The following NOX4 variants were observed in gnomAD, a reference collection of about 807,000 sequenced individuals.
The protein encoded by NOX4 is kidney oxidase-1.
In NOX4, 69 loss-of-function variants were observed where a neutral mutation model predicts 87.6. The observed-to-expected ratio is 0.79, with a 90% confidence interval of 0.65 to 0.96. The LOEUF is 0.96. Among genes scored for constraint, NOX4 ranks in the 40% least tolerant of loss-of-function variants. The pLI is 0.00. For synonymous variants in NOX4, 275 were observed against 238.2 expected (o/e 1.15, Z -1.42); for missense variants, 680 against 681.5 (o/e 1.00, Z 0.02).
chr11:89,519,374 A>C, the NOX4 span, among the ~76,000 whole-genome samples: 1 of 152,084 alleles, frequency 6.6e-6, no homozygotes, highest in African/African-American at 2.4e-5. Context: ...ATGTAACCAA[A>C]CAACCCTAGG....
chr11:89,426,299 A>G lies in NOX4; in HGVS notation c.549-4317T>C, dbSNP rs1943402815. 2.0e-5 allele frequency among the ~76,000 whole-genome samples: 3 copies of G among 152,322 alleles called. No individual in the cohort carries two copies. In the South Asian group the frequency reaches 6.2e-4, roughly 32 times the overall value. ...CAGTCTACAGCTCTCAGTGTGAGCA[A>G]CGCAGAGAAGGGTGATTTCTGCATT... On this transcript the variant is annotated intron_variant, in intron 7 of 17. Coordinates refer to ENST00000263317, the MANE Select transcript of NOX4 (RefSeq NM_016931.5).
chr11:89,392,896 T>A (rs749909646), intron 11 of NOX4, among the ~76,000 whole-genome samples: 1 of 152,098 alleles, frequency 6.6e-6, no homozygotes, highest in African/African-American at 2.4e-5. Flanking sequence ...TTTAGCAGAA[T>A]CCTCATAACA....
chr11:89,507,359 T>C, the NOX4 span, among the ~76,000 whole-genome samples: 1 of 151,526 alleles, frequency 6.6e-6, no homozygotes, highest in Non-Finnish European at 1.5e-5. Context: ...TGTGTGTATA[T>C]GTCCATGTAT....
intron 7 of NOX4, among the ~76,000 whole-genome samples, chr11:89,425,189 T>A (rs554184123): frequency 6.6e-6 from 1 of 152,146 alleles, no homozygotes; most frequent in South Asian, 2.1e-4. Flanking sequence ...TTCCTCTATC[T>A]AAATAAAATA....
intron 7 of NOX4, among the ~76,000 whole-genome samples, chr11:89,430,453 C>A (rs1002873200): frequency 1.3e-5 from 2 of 152,148 alleles, no homozygotes; most frequent in East Asian, 3.9e-4. Flanking sequence ...ATTTAGAAAA[C>A]CCTATCATCT....
At chr11:89,397,608 A>T (rs1403967980) in intron 11 of NOX4, among the ~76,000 whole-genome samples, 1 of 152,094 alleles carries the variant, frequency 6.6e-6, no homozygotes, top group African/African-American at 2.4e-5. Context: ...AATCAAATAG[A>T]TGTAATAAAA....
chr11:89,502,539 A>C (rs1237653077), upstream of NOX4, among the ~76,000 whole-genome samples: 1 of 152,030 alleles, frequency 6.6e-6, no homozygotes, highest in African/African-American at 2.4e-5. Context: ...TCCTGGAGCA[A>C]AGGTCCCTGT....
intron 2 of NOX4, among the ~76,000 whole-genome samples, chr11:89,457,471 T>C (rs1001828157): frequency 2.0e-5 from 3 of 152,006 alleles, no homozygotes; most frequent in Admixed American, 6.6e-5. Flanking sequence ...CTTTGTAGAG[T>C]TGTGGCCAGT....
At chr11:89,520,716 C>T in the NOX4 span, among the ~76,000 whole-genome samples, 6 of 152,028 alleles carry the variant, frequency 3.9e-5, no homozygotes, top group East Asian at 1.9e-4. Flanking sequence ...GGCAAGAGAA[C>T]GAAATAAAAT....
At chr11:89,529,943 T>C in the NOX4 span, among the ~76,000 whole-genome samples, 4 of 152,172 alleles carry the variant, frequency 2.6e-5, no homozygotes, top group South Asian at 8.3e-4. Context: ...TACACATAGA[T>C]AAAACAATTA....
At chr11:89,439,767 T>C (rs1944376494) in intron 6 of NOX4, among the ~76,000 whole-genome samples, 1 of 152,178 alleles carries the variant, frequency 6.6e-6, no homozygotes, top group Non-Finnish European at 1.5e-5. Context: ...GGGGAAATTT[T>C]GAGATGTTCA....
chr11:89,498,317 A>C (rs914720525), upstream of NOX4: 8 of 152,338 alleles, frequency 5.3e-5, no homozygotes, highest in Non-Finnish European at 1.0e-4. Context: ...GTATAGTAAA[A>C]AGATAGAATC....
At chr11:89,543,059 C>T in the NOX4 span, among the ~76,000 whole-genome samples, 1 of 152,070 alleles carries the variant, frequency 6.6e-6, no homozygotes, top group Admixed American at 6.6e-5. Context: ...ATAATTTCAA[C>T]ACTATAAATA....
chr11:89,464,592 G>T (rs1591321025), intron 2 of NOX4, among the ~76,000 whole-genome samples: 1 of 152,098 alleles, frequency 6.6e-6, no homozygotes, highest in Non-Finnish European at 1.5e-5. Flanking sequence ...AAAAATGACT[G>T]CTCTAAGTTA....
intron 2 of NOX4, among the ~76,000 whole-genome samples, chr11:89,486,890 G>A (rs193293270): frequency 1.1e-4 from 16 of 151,888 alleles, no homozygotes; most frequent in Non-Finnish European, 1.8e-4. Flanking sequence ...AGTAGAGGAG[G>A]AGCAAGAGGA....
the NOX4 span, among the ~76,000 whole-genome samples, chr11:89,549,983 G>A: frequency 6.6e-6 from 1 of 152,092 alleles, no homozygotes; most frequent in East Asian, 1.9e-4. Flanking sequence ...CTTTTTAGTA[G>A]AATGATTTAT....
At chr11:89,487,634 A>C (rs1304603835) in intron 2 of NOX4, among the ~76,000 whole-genome samples, 1 of 152,170 alleles carries the variant, frequency 6.6e-6, no homozygotes, top group East Asian at 1.9e-4. Context: ...GAGACTTATA[A>C]TATACCTTGA....
the NOX4 span, among the ~76,000 whole-genome samples, chr11:89,578,136 T>A: frequency 6.6e-6 from 1 of 151,620 alleles, no homozygotes; most frequent in South Asian, 2.1e-4. Context: ...TTTTTACATG[T>A]GCATCATTTT....
the NOX4 span, among the ~76,000 whole-genome samples, chr11:89,585,097 G>C: frequency 3.7e-4 from 57 of 152,196 alleles, no homozygotes; most frequent in Admixed American, 2.1e-3. Context: ...ATCACCTGAG[G>C]CATTAGCTTA....
Sources: gnomAD v4.1 joint callset for allele counts (sites outside exome capture counted in the v4.1 genomes callset) on GRCh38, gnomAD v4.1.1 for gene constraint, MANE v1.5 for transcripts, NCBI Gene and HGNC (gene_info 2026-07-23, HGNC 2026-07-21) for gene names.